The following COL20A1 variants were observed in gnomAD, a reference collection of about 807,000 sequenced individuals.
COL20A1 encodes the protein collagen type XX alpha 1 chain, also known as collagen alpha-1(XX) chain.
COL20A1 carries 164 observed loss-of-function variants against 152.9 expected under a neutral mutation model. The ratio of observed to expected loss-of-function variants is 1.07; its 90% CI spans 0.94 to 1.22. The LOEUF (loss-of-function observed/expected upper bound fraction) is 1.22, where lower values mean the gene tolerates loss of function less well. Among genes scored for constraint, COL20A1 ranks in the 50% most tolerant of loss-of-function variants. The pLI is 0.00. For synonymous variants in COL20A1, 864 were observed against 756.0 expected (o/e 1.14, Z -2.34); for missense variants, 1,873 against 1,744.8 (o/e 1.07, Z -1.31).
intron 30 of COL20A1, among the ~76,000 whole-genome samples, 181 bp downstream of exon 30, chr20:63,326,330 G>A (rs2068247437): frequency 6.6e-6 from 1 of 152,146 alleles, no homozygotes; most frequent in Non-Finnish European, 1.5e-5. Flanking sequence ...GTCTGCCCAG[G>A]AGCACTGCAT....
Position 63,313,024 on chromosome 20 carries a change from C to G in COL20A1, c.2076+90C>G. ...TCTAGGGCTCAGAGCCATATGTGCG[C>G]CCACCCTGTCTCCCAGGGATGCCTC... On this transcript the variant is annotated intron_variant, in intron 16 of 35. Coordinates refer to ENST00000358894, the MANE Select transcript of COL20A1 (RefSeq NM_020882.4). The surrounding 1 kb of genome is among the most constrained non-coding windows in gnomAD (Gnocchi z 5.9). 6.5e-7 allele frequency: 1 copy of G among 1,540,940 alleles called. No homozygotes were observed. Among genetic ancestry groups the G allele is most frequent in the African/African-American group, 1.4e-5 (1 of 72,988 alleles).
At chr20:63,322,701 T>C (rs1378005431) in intron 27 of COL20A1, among the ~76,000 whole-genome samples, 2 of 152,166 alleles carry the variant, frequency 1.3e-5, no homozygotes, top group African/African-American at 4.8e-5. Flanking sequence ...TCTAAACATT[T>C]ACCTAAACCA....
chr20:63,328,687 CAA>C (rs1179147593), intron 34 of COL20A1, among the ~76,000 whole-genome samples, 189 bp downstream of exon 34: 1 of 152,178 alleles, frequency 6.6e-6, no homozygotes, highest in Non-Finnish European at 1.5e-5. Context: ...CCAGTCATGG[CAA>C]AGAGGTCAGC....
chr20:63,326,400 C>G (rs1344582756), intron 30 of COL20A1, among the ~76,000 whole-genome samples: 3 of 152,204 alleles, frequency 2.0e-5, no homozygotes, highest in African/African-American at 7.2e-5. Flanking sequence ...GGAGGGGGGT[C>G]TCCTGGCATC....
Position 63,299,347 on chromosome 20 carries a change from A to G in COL20A1, c.193+1327A>G, listed in dbSNP as rs116356658. 9.3e-3 allele frequency among the ~76,000 whole-genome samples: 1,409 copies of G among 152,320 alleles called. 23 individuals carry two copies. The highest frequency in any genetic ancestry group is 0.032 in the African/African-American group (1,315 of 41,562). Reference sequence around the variant, plus strand: ...GTCGTGCCAGTGTATACTCCCGTCAACACTGTATGATTGCTTCCGTTGCAT... The same window carrying G: ...GTCGTGCCAGTGTATACTCCCGTCAGCACTGTATGATTGCTTCCGTTGCAT... On this transcript the variant is annotated intron_variant, in intron 3 of 35. Coordinates refer to ENST00000358894, the MANE Select transcript of COL20A1 (RefSeq NM_020882.4).
chr20:63,296,153 G>A (rs1050841445), intron 2 of COL20A1, among the ~76,000 whole-genome samples: 1 of 152,264 alleles, frequency 6.6e-6, no homozygotes, highest in African/African-American at 2.4e-5. Flanking sequence ...ATGCTGATGT[G>A]CCAGGTTTGC....
chr20:63,297,050 G>A (rs1049788117), intron 2 of COL20A1, among the ~76,000 whole-genome samples: 3 of 152,178 alleles, frequency 2.0e-5, no homozygotes, highest in Admixed American at 6.5e-5. Flanking sequence ...ATCCCCCATC[G>A]CGGGAGGCAG....
At chr20:63,308,942 C>G (rs1207384418) in intron 8 of COL20A1, among the ~76,000 whole-genome samples, 1 of 152,178 alleles carries the variant, frequency 6.6e-6, no homozygotes, top group Non-Finnish European at 1.5e-5. Context: ...CAACCCTCCC[C>G]CTGTGGCGTG....
At position 63,312,953 on chromosome 20, in the gene COL20A1, G is replaced by C. The variant is rs1322713639; in HGVS notation, c.2076+19G>C. 37 of 1,536,152 alleles carry C rather than the reference G, an allele frequency of 2.4e-5. No homozygotes were observed. Among genetic ancestry groups the C allele is most frequent in the South Asian group, 6.0e-5 (5 of 83,496 alleles). On this transcript the variant is annotated intron_variant, in intron 16 of 35. Coordinates refer to ENST00000358894, the MANE Select transcript of COL20A1 (RefSeq NM_020882.4). ...TCACGAGGTGGGCAGGGGTGGGTTT[G>C]TCCTTCCGAGGGGCCCCCCGTGGGC... is the stretch of plus-strand genomic sequence containing the variant.
At chr20:63,324,067 G>A (rs778557913) in intron 27 of COL20A1, among the ~76,000 whole-genome samples, 11 of 152,174 alleles carry the variant, frequency 7.2e-5, no homozygotes, top group African/African-American at 1.2e-4. Context: ...AGACCCACTC[G>A]GTTCTCCTTC....
chr20:63,325,854 A>T (rs1363689072), intron 29 of COL20A1, 133 bp downstream of exon 29: 3 of 854,998 alleles, frequency 3.5e-6, no homozygotes, highest in Non-Finnish European at 5.6e-6. Flanking sequence ...CACCTGCTGC[A>T]CCACCCCCTT....
chr20:63,324,663 T>G (rs2068217678), intron 27 of COL20A1: 1 of 152,602 alleles, frequency 6.6e-6, no homozygotes, highest in South Asian at 2.1e-4. Context: ...GAATTCTCGT[T>G]ATCCATGCCA....
intron 29 of COL20A1, 73 bp from the exon 30 acceptor site, chr20:63,326,012 TGGGTGCTGCTG>T: frequency 8.2e-7 from 1 of 1,224,470 alleles, no homozygotes. Flanking sequence ...CAGGGTGTGT[TGGGTGCTGCTG>T]GGGGGCTGTC....
intron 26 of COL20A1, 80 bp from the exon 27 acceptor site, chr20:63,321,978 A>G: frequency 1.7e-6 from 2 of 1,210,584 alleles, no homozygotes; most frequent in East Asian, 2.9e-5. Context: ...TGGGCCAGGC[A>G]TGGGGCTCAG....
chr20:63,296,469 G>T (rs1327247469), intron 2 of COL20A1, among the ~76,000 whole-genome samples: 1 of 152,238 alleles, frequency 6.6e-6, no homozygotes, highest in African/African-American at 2.4e-5. Context: ...AGCCCAGGAC[G>T]GGTGGGAGCC....
chr20:63,326,874 G>T, intron 31 of COL20A1, 51 bp downstream of exon 31: 3 of 1,339,242 alleles, frequency 2.2e-6, no homozygotes, highest in Non-Finnish European at 3.0e-6. Flanking sequence ...GGGAGCGAAG[G>T]GTGCAAGCCC....
intron 3 of COL20A1, among the ~76,000 whole-genome samples, chr20:63,300,737 T>G (rs765094751): frequency 3.3e-5 from 5 of 152,250 alleles, no homozygotes; most frequent in Non-Finnish European, 7.3e-5. Context: ...AGATGGATGC[T>G]TAAGTTCATT....
chr20:63,310,174 G>A (rs558109123), intron 10 of COL20A1, among the ~76,000 whole-genome samples: 7 of 152,240 alleles, frequency 4.6e-5, no homozygotes, highest in East Asian at 1.9e-4. Flanking sequence ...GACTCAGAGC[G>A]CCTTCTCCCT....
chr20:63,307,712 G>A, intron 6 of COL20A1, 64 bp downstream of exon 6: 3 of 1,549,492 alleles, frequency 1.9e-6, no homozygotes, highest in Non-Finnish European at 2.6e-6. Context: ...TCTGCCAGAG[G>A]AGGCTGTGAC....
Sources: gnomAD v4.1 joint callset for allele counts (sites outside exome capture counted in the v4.1 genomes callset) on GRCh38, gnomAD v4.1.1 for gene constraint, Gnocchi (gnomAD v3.1) non-coding constraint, MANE v1.5 for transcripts, NCBI Gene and HGNC (gene_info 2026-07-23, HGNC 2026-07-21) for gene names.